Variants in CTNNA3 observed in about 807,000 individuals in gnomAD.
The protein encoded by CTNNA3 is catenin alpha-3.
A neutral mutation model predicts 95.7 loss-of-function variants in CTNNA3; 76 were observed. The observed-to-expected ratio is 0.79, with a 90% CI of 0.66 to 0.96. CTNNA3 has a LOEUF of 0.96. Among genes scored for constraint, CTNNA3 ranks in the 40% least tolerant of loss-of-function variants. The probability of loss-of-function intolerance (pLI) is 0.00; values close to 1 mark genes in which losing one functional copy is unlikely to be tolerated. For missense variants in CTNNA3, 1,191 were observed against 1,089.8 expected (o/e 1.09, Z -1.31); for synonymous variants, 431 against 374.4 (o/e 1.15, Z -1.74).
chr10:67,036,540 T>G (rs1437603679), intron 7 of CTNNA3, among the ~76,000 whole-genome samples: 1 of 151,996 alleles, frequency 6.6e-6, no homozygotes, highest in Non-Finnish European at 1.5e-5. Context: ...GGCAGCTTTT[T>G]AAAAAAATTT....
intron 12 of CTNNA3, among the ~76,000 whole-genome samples, chr10:66,373,558 G>A (rs566228994): frequency 1.3e-5 from 2 of 151,116 alleles, no homozygotes; most frequent in Non-Finnish European, 2.9e-5. Context: ...TTAGCCAAGT[G>A]ATCTGCAGAC....
At chr10:67,667,765 T>C (rs914267901) in intron 1 of CTNNA3, among the ~76,000 whole-genome samples, 17 of 152,160 alleles carry the variant, frequency 1.1e-4, no homozygotes, top group African/African-American at 4.1e-4. Context: ...GTAAATATCA[T>C]ATTTTACATT....
In CTNNA3 at chr10:66,551,002, T is replaced by A. The variant is rs1388168365; in HGVS notation, c.1375-30229A>T. Among the ~76,000 whole-genome samples, 3 of 148,644 alleles carry A rather than the reference T, an allele frequency of 2.0e-5. No homozygotes were observed. In the East Asian group the frequency reaches 6.0e-4, roughly 30 times the overall value. ...TACATTGAAAACCCCACCAGATAAT[T>A]ATTTTTTCTTTATTAAGTGAATTTA... On this transcript the variant is annotated intron_variant, in intron 10 of 17. Coordinates refer to ENST00000433211, the MANE Select transcript of CTNNA3 (RefSeq NM_013266.4).
In CTNNA3 at chr10:67,558,923, C is replaced by T. The variant is rs547971931; in HGVS notation, c.293-19254G>A. ...CTGAGATCAAACTGCAAGGTGGCAG[C>T]GAGGCTGGGGGAGGGGTGCCCGCCA... is the stretch of plus-strand genomic sequence containing the variant. On this transcript the variant is annotated intron_variant, in intron 3 of 17. Transcript: ENST00000433211. Among the ~76,000 whole-genome samples, 346 of 152,250 alleles carry T rather than the reference C, an allele frequency of 2.3e-3. 2 individuals carry two copies. Among genetic ancestry groups the T allele is most frequent in the African/African-American group, 7.8e-3 (323 of 41,534 alleles).
At chr10:66,996,449 C>G (rs1353343242) in intron 7 of CTNNA3, among the ~76,000 whole-genome samples, 1 of 151,836 alleles carries the variant, frequency 6.6e-6, no homozygotes, top group East Asian at 1.9e-4. Flanking sequence ...AGTTTGAGAC[C>G]AGGCTGGGCA....
At chr10:67,459,876 A>G (rs1055442998) in intron 5 of CTNNA3, among the ~76,000 whole-genome samples, 2 of 152,178 alleles carry the variant, frequency 1.3e-5, no homozygotes, top group Admixed American at 1.3e-4. Flanking sequence ...AAGAATCTAC[A>G]CTAAAACCAA....
At chr10:67,309,015 G>A (rs979429439) in intron 5 of CTNNA3, among the ~76,000 whole-genome samples, 1 of 152,002 alleles carries the variant, frequency 6.6e-6, no homozygotes, top group Non-Finnish European at 1.5e-5. Context: ...ATATAATTGT[G>A]ACTGCTGAGA....
intron 5 of CTNNA3, among the ~76,000 whole-genome samples, chr10:67,371,988 A>G (rs888186420): frequency 1.3e-5 from 2 of 151,878 alleles, no homozygotes; most frequent in African/African-American, 2.4e-5. Flanking sequence ...AGTGATGATG[A>G]GCATTTTTTC....
At chr10:66,150,782 G>T (rs933900858) in intron 13 of CTNNA3, among the ~76,000 whole-genome samples, 1 of 151,776 alleles carries the variant, frequency 6.6e-6, no homozygotes, top group Non-Finnish European at 1.5e-5. Flanking sequence ...TGATTTTCTA[G>T]TTCATTATAA....
At chr10:66,891,726 T>C (rs773768624) in intron 7 of CTNNA3, among the ~76,000 whole-genome samples, 2 of 152,182 alleles carry the variant, frequency 1.3e-5, no homozygotes, top group African/African-American at 2.4e-5. Flanking sequence ...AGAGACTTTT[T>C]AAAACTACGG....
chr10:66,143,859 A>G (rs1327793655), intron 13 of CTNNA3, among the ~76,000 whole-genome samples: 1 of 152,228 alleles, frequency 6.6e-6, no homozygotes, highest in Non-Finnish European at 1.5e-5. Flanking sequence ...GATTTATCTT[A>G]AAACTTTAAA....
intron 13 of CTNNA3, among the ~76,000 whole-genome samples, chr10:66,236,503 G>T (rs1399199564): frequency 6.6e-6 from 1 of 152,070 alleles, no homozygotes; most frequent in African/African-American, 2.4e-5. Context: ...TTTTTAGAGG[G>T]AATGTCACCT....
At chr10:66,593,627 C>T (rs140731634) in intron 10 of CTNNA3, among the ~76,000 whole-genome samples, 5 of 152,190 alleles carry the variant, frequency 3.3e-5, no homozygotes, top group East Asian at 3.9e-4. Flanking sequence ...CATACAGAGC[C>T]GTAATTGCCA....
intron 1 of CTNNA3, among the ~76,000 whole-genome samples, chr10:67,741,893 T>C (rs971906906): frequency 2.7e-5 from 4 of 150,592 alleles, no homozygotes; most frequent in Admixed American, 2.0e-4. Context: ...CCAACAAAGA[T>C]CAAAAAAGAC....
intron 7 of CTNNA3, among the ~76,000 whole-genome samples, chr10:66,956,047 AC>A (rs1385282887): frequency 6.6e-6 from 1 of 151,800 alleles, no homozygotes; most frequent in Non-Finnish European, 1.5e-5. Context: ...AAATATTAAG[AC>A]CCTAGAGCTA....
chr10:66,285,932 T>A (rs1341814045), intron 12 of CTNNA3, among the ~76,000 whole-genome samples: 1 of 152,098 alleles, frequency 6.6e-6, no homozygotes, highest in East Asian at 1.9e-4. Context: ...CTATGTAAGT[T>A]GTATATGGAA....
intron 1 of CTNNA3, among the ~76,000 whole-genome samples, chr10:67,653,578 C>T (rs7086302): frequency 0.12 from 18,563 of 152,042 alleles, 2,097 homozygotes; most frequent in East Asian, 0.44. Flanking sequence ...AACTATGCAT[C>T]TTCTTTCTTC....
intron 7 of CTNNA3, among the ~76,000 whole-genome samples, chr10:67,166,288 A>C (rs1861767378): frequency 6.6e-6 from 1 of 152,232 alleles, no homozygotes. Context: ...ATATCATTAT[A>C]ACATAAATGC....
chr10:66,754,555 T>C (rs916527530), intron 9 of CTNNA3, among the ~76,000 whole-genome samples: 6 of 152,036 alleles, frequency 3.9e-5, no homozygotes, highest in Admixed American at 6.5e-5. Context: ...CTTCAGAGAA[T>C]ACCATCAAAA....
Sources: gnomAD v4.1 joint callset for allele counts (sites outside exome capture counted in the v4.1 genomes callset) on GRCh38, gnomAD v4.1.1 for gene constraint, MANE v1.5 for transcripts, NCBI Gene and HGNC (gene_info 2026-07-23, HGNC 2026-07-21) for gene names.